The following TP53BP2 variants were observed in gnomAD, a reference collection of about 807,000 sequenced individuals.
TP53BP2 encodes the protein tumor protein p53 binding protein 2, also known as apoptosis-stimulating of p53 protein 2.
A neutral mutation model predicts 126.2 loss-of-function variants in TP53BP2; 62 were observed. That is an observed-to-expected ratio of 0.49 (90% CI 0.40 to 0.61). The LOEUF is 0.61. Ranked by LOEUF, TP53BP2 falls within the 20% of genes least tolerant of loss-of-function variation. The probability of loss-of-function intolerance (pLI) is 0.00; values close to 1 mark genes in which losing one functional copy is unlikely to be tolerated. For missense variants in TP53BP2, 1,215 were observed against 1,402.8 expected (o/e 0.87, Z 2.14); for synonymous variants, 485 against 502.9 (o/e 0.96, Z 0.48).
intron 2 of TP53BP2, 77 bp from the exon 3 acceptor site, chr1:223,814,430 T>A: frequency 9.4e-7 from 1 of 1,059,034 alleles, no homozygotes; most frequent in Non-Finnish European, 1.4e-6. Context: ...CTATCCTTCA[T>A]GCAAATTATA....
At chr1:223,807,614 A>T (rs900569101) in intron 4 of TP53BP2, among the ~76,000 whole-genome samples, 4 of 132,386 alleles carry the variant, frequency 3.0e-5, no homozygotes, top group East Asian at 2.0e-4. Context: ...CTGCAGGATT[A>T]AAAAAAAAAA....
chr1:223,804,385 G>C (rs1385355402), intron 5 of TP53BP2, 37 bp from the exon 6 acceptor site: 49 of 1,594,166 alleles, frequency 3.1e-5, no homozygotes, highest in Non-Finnish European at 4.1e-5. Flanking sequence ...TGTCATTTTA[G>C]GTAAGTACAC....
Position 223,798,256 on chromosome 1 carries a change from G to A in TP53BP2, c.1907C>T (p.Ala636Val), listed in dbSNP as rs78775064. ...CCCTCTGGTATGAGTCTTGGTCAAC[G>A]CGCTCTGCACAGCCTGCTGGAAGTT... ...GKNFQQAVQSALTKTHTRGPH... is the reference protein window; with the variant it reads ...GKNFQQAVQSVLTKTHTRGPH... The change falls in exon 12 of 18, where the codon GCG becomes GTG. Residue 636 changes from alanine to valine, a missense_variant. Around this residue, in one of 4 missense-constraint regions of TP53BP2, gnomAD observed 814 missense variants for 853.0 expected, o/e 0.95. Transcript: ENST00000343537. 1.3e-5 allele frequency: 21 copies of A among 1,614,142 alleles called. No homozygotes were observed. Among genetic ancestry groups the A allele is most frequent in the South Asian group, 3.3e-5 (3 of 91,076 alleles).
chr1:223,822,222 G>A (rs944731482), intron 1 of TP53BP2, among the ~76,000 whole-genome samples: 1 of 151,124 alleles, frequency 6.6e-6, no homozygotes, highest in African/African-American at 2.4e-5. Flanking sequence ...CCAAAAAATT[G>A]TACTTCTAAA....
chr1:223,801,918 G>T, intron 9 of TP53BP2, 198 bp downstream of exon 9: 1 of 473,276 alleles, frequency 2.1e-6, no homozygotes, highest in Non-Finnish European at 3.7e-6. Flanking sequence ...TATTATTTAG[G>T]GTTAAGAAAA....
Position 223,796,075 on chromosome 1 carries a change from C to A in TP53BP2, c.2464G>T (p.Ala822Ser). Reference protein sequence around the residue: ...ESLSPEDVGNASTENSDMPAP... With the variant: ...ESLSPEDVGNSSTENSDMPAP... Reference sequence around the variant, plus strand: ...GGCATGTCACTGTTCTCTGTACTGGCATTCCCCACATCCTCTGGGGACAAT... The same window carrying A: ...GGCATGTCACTGTTCTCTGTACTGGAATTCCCCACATCCTCTGGGGACAAT... The change falls in exon 13 of 18, where the codon GCC becomes TCC. Residue 822 changes from alanine (A) to serine (S), a missense_variant. This residue lies in a region of TP53BP2 where 204 missense variants were observed against 225.7 expected (regional missense o/e 0.90). Transcript: ENST00000343537. This position sits in a 1 kb window ranked among gnomAD's most constrained non-coding sequence, Gnocchi z 4.2. 6.2e-7 allele frequency: 1 copy of A among 1,614,198 alleles called. No homozygotes were observed. Among genetic ancestry groups the A allele is most frequent in the Non-Finnish European group, 8.5e-7 (1 of 1,180,034 alleles).
intron 1 of TP53BP2, 105 bp downstream of exon 1, chr1:223,845,549 C>T: frequency 4.2e-6 from 5 of 1,186,504 alleles, no homozygotes; most frequent in South Asian, 1.8e-5. Context: ...GCGCGGGCTG[C>T]GGCCCCCAGG....
chr1:223,793,241 T>A, intron 14 of TP53BP2, 62 bp downstream of exon 14: 1 of 1,270,036 alleles, frequency 7.9e-7, no homozygotes, highest in South Asian at 2.1e-5. Context: ...AATTATACTC[T>A]AGCCTGGATG....
chr1:223,793,592 G>C, intron 13 of TP53BP2, 152 bp from the exon 14 acceptor site: 1 of 865,262 alleles, frequency 1.2e-6, no homozygotes, highest in Admixed American at 3.4e-5. Flanking sequence ...ACATTATTCA[G>C]AAAAGTATAC....
In TP53BP2 at chr1:223,781,192, CTGTAAATCGGCTCTA is replaced by C. The variant is rs3835624; in HGVS notation, c.3364-313_3364-299del. Among the ~76,000 whole-genome samples, 726 of 152,322 alleles carry C rather than the reference CTGTAAATCGGCTCTA, an allele frequency of 4.8e-3. 26 individuals are homozygous for C. The East Asian group carries it at 0.1, about 22-fold the overall frequency. On this transcript the variant is annotated intron_variant, in intron 17 of 17. Transcript: ENST00000343537. ...AACTCAATCTGCACAGCTTGTTGAGCTGTAAATCGGCTCTATGTAAATCGGCTCTAACAAGGAAGG... is the reference window on the plus strand; with the variant it reads ...AACTCAATCTGCACAGCTTGTTGAGCTGTAAATCGGCTCTAACAAGGAAGG...
intron 5 of TP53BP2, among the ~76,000 whole-genome samples, chr1:223,805,068 T>C (rs945056317): frequency 6.6e-6 from 1 of 152,196 alleles, no homozygotes; most frequent in African/African-American, 2.4e-5. Flanking sequence ...CATTAAAATT[T>C]TTAACTAAAA....
intron 4 of TP53BP2, among the ~76,000 whole-genome samples, chr1:223,808,826 AAAG>A (rs1662814671): frequency 6.6e-6 from 1 of 152,122 alleles, no homozygotes; most frequent in South Asian, 2.1e-4. Context: ...TAATTTCACC[AAAG>A]AAGAGACACA....
intron 1 of TP53BP2, among the ~76,000 whole-genome samples, chr1:223,832,310 T>A (rs1663764022): frequency 6.6e-6 from 1 of 151,982 alleles, no homozygotes; most frequent in Non-Finnish European, 1.5e-5. Context: ...GTGACACAAA[T>A]CCTCCCCAAA....
intron 1 of TP53BP2, among the ~76,000 whole-genome samples, chr1:223,840,025 T>G (rs746204205): frequency 5.9e-5 from 9 of 152,236 alleles, no homozygotes; most frequent in Non-Finnish European, 1.3e-4. Flanking sequence ...ATCATCCAAA[T>G]AAATAATTTG....
intron 1 of TP53BP2, among the ~76,000 whole-genome samples, chr1:223,837,654 T>C (rs377205938): frequency 3.3e-5 from 5 of 152,172 alleles, no homozygotes; most frequent in African/African-American, 7.2e-5. Flanking sequence ...TAATTTATTT[T>C]TGGCAGCTTT....
chr1:223,842,011 G>A (rs1039304157), intron 1 of TP53BP2, among the ~76,000 whole-genome samples: 6 of 150,666 alleles, frequency 4.0e-5, no homozygotes, highest in East Asian at 1.9e-4. Context: ...TCGCGATCTC[G>A]GCTCACTGCA....
intron 17 of TP53BP2, among the ~76,000 whole-genome samples, chr1:223,783,579 G>A (rs924908350): frequency 2.6e-5 from 4 of 152,094 alleles, no homozygotes; most frequent in African/African-American, 4.8e-5. Flanking sequence ...TGTTATTCTC[G>A]CTTTCTCTCC....
At chr1:223,808,889 G>C (rs1439865797) in intron 4 of TP53BP2, among the ~76,000 whole-genome samples, 2 of 151,992 alleles carry the variant, frequency 1.3e-5, no homozygotes, top group African/African-American at 2.4e-5. Context: ...AGTCATTAGA[G>C]AAATACAAAT....
At chr1:223,835,415 TC>T (rs1663888716) in intron 1 of TP53BP2, among the ~76,000 whole-genome samples, 1 of 152,216 alleles carries the variant, frequency 6.6e-6, no homozygotes, top group African/African-American at 2.4e-5. Flanking sequence ...AGTTAATTCC[TC>T]CCCGGCTCCA....
Sources: gnomAD v4.1 joint callset for allele counts (sites outside exome capture counted in the v4.1 genomes callset) on GRCh38, gnomAD v4.1.1 for gene constraint, gnomAD v4.1.1 regional missense constraint, Gnocchi (gnomAD v3.1) non-coding constraint, MANE v1.5 for transcripts, NCBI Gene and HGNC (gene_info 2026-07-23, HGNC 2026-07-21) for gene names.